Variants in KDM4C observed in about 807,000 individuals in gnomAD.
KDM4C encodes the protein lysine demethylase 4C.
Under a neutral mutation model 129.3 loss-of-function variants are expected in KDM4C, and 81 were observed. The observed-to-expected ratio is 0.63, with a 90% confidence interval of 0.52 to 0.75. The LOEUF (loss-of-function observed/expected upper bound fraction) is 0.75, where lower values mean the gene tolerates loss of function less well. Among genes scored for constraint, KDM4C ranks in the 30% least tolerant of loss-of-function variants. The pLI, the probability that KDM4C is intolerant of heterozygous loss-of-function variation, is 0.00. For synonymous variants in KDM4C, 573 were observed against 456.1 expected (o/e 1.26, Z -3.26); for missense variants, 1,457 against 1,304.0 (o/e 1.12, Z -1.81).
At chr9:7,102,214 C>G (rs746111871) in intron 17 of KDM4C, among the ~76,000 whole-genome samples, 1 of 151,436 alleles carries the variant, frequency 6.6e-6, no homozygotes, top group African/African-American at 2.4e-5. Flanking sequence ...ACATAAGTAC[C>G]TAATGTATAG....
intron 5 of KDM4C, 38 bp downstream of exon 5, chr9:6,849,738 T>C (rs772248277): frequency 1.4e-5 from 20 of 1,481,094 alleles, no homozygotes; most frequent in Non-Finnish European, 1.5e-5. Context: ...CTTTGGAGTT[T>C]TGAAATTTGG....
chr9:6,990,860 TTTC>T (rs1290951915), intron 12 of KDM4C, among the ~76,000 whole-genome samples: 1 of 152,116 alleles, frequency 6.6e-6, no homozygotes, highest in Non-Finnish European at 1.5e-5. Flanking sequence ...GTGCTGTAGG[TTTC>T]TTTACATTGT....
intron 8 of KDM4C, among the ~76,000 whole-genome samples, chr9:6,956,550 T>C (rs1028232784): frequency 6.6e-6 from 1 of 152,204 alleles, no homozygotes; most frequent in Non-Finnish European, 1.5e-5. Flanking sequence ...CCCCTGCCTG[T>C]ATTTGTAAAT....
At chr9:6,752,659 C>T (rs534102009), upstream of KDM4C, among the ~76,000 whole-genome samples, 1 of 151,992 alleles carries the variant, frequency 6.6e-6, no homozygotes, top group South Asian at 2.1e-4. Context: ...ATCCGTCCAC[C>T]TCGCCTTCCC....
intron 10 of KDM4C, among the ~76,000 whole-genome samples, chr9:6,986,044 GGA>G (rs1817638499): frequency 6.6e-6 from 1 of 151,776 alleles, no homozygotes; most frequent in South Asian, 2.1e-4. Flanking sequence ...ATGAATTGCT[GGA>G]TGGTTTTGCC....
intron 6 of KDM4C, 59 bp from the exon 7 acceptor site, chr9:6,887,901 C>T: frequency 2.0e-6 from 2 of 1,006,540 alleles, no homozygotes; most frequent in East Asian, 2.4e-5. Context: ...ATTAAAAAAC[C>T]TATTTGATAT....
chr9:7,060,081 C>A (rs1378901805), intron 17 of KDM4C, among the ~76,000 whole-genome samples: 1 of 152,074 alleles, frequency 6.6e-6, no homozygotes, highest in Non-Finnish European at 1.5e-5. Context: ...TCTCACATTC[C>A]TTGCAATGAT....
chr9:6,924,914 C>T (rs1822203537), intron 8 of KDM4C: 1 of 984,128 alleles, frequency 1.0e-6, no homozygotes, highest in African/African-American at 1.8e-5. Flanking sequence ...CAGAGTACAG[C>T]CTTTAGTTCT....
intron 15 of KDM4C, among the ~76,000 whole-genome samples, chr9:7,042,803 G>C (rs1054747103): frequency 7.2e-5 from 11 of 152,014 alleles, no homozygotes; most frequent in Admixed American, 5.2e-4. Context: ...GGATTAGGCA[G>C]ACATAAGTTT....
At chr9:6,768,317 G>A (rs1003049228) in intron 1 of KDM4C, among the ~76,000 whole-genome samples, 1 of 151,660 alleles carries the variant, frequency 6.6e-6, no homozygotes, top group Admixed American at 6.6e-5. Context: ...GGCCCCAGCT[G>A]ATGGGTAGTG....
chr9:6,752,398 T>C (rs1818103287), intron 1 of KDM4C, among the ~76,000 whole-genome samples: 1 of 135,820 alleles, frequency 7.4e-6, no homozygotes, highest in African/African-American at 2.8e-5. Context: ...ATTGGTAACG[T>C]TCTCAAAACC....
chr9:7,003,159 T>C (rs818888), intron 12 of KDM4C, among the ~76,000 whole-genome samples: 151,322 of 152,330 alleles, frequency 0.99, 75,169 homozygotes, highest in Middle Eastern at 1. Flanking sequence ...AGCCACTGTG[T>C]CCAGCCTACT....
chr9:6,761,711 G>A lies in KDM4C; in HGVS notation c.-18+3508G>A, dbSNP rs766149662. On this transcript the variant is annotated intron_variant, in intron 1 of 21. Coordinates refer to ENST00000381309, the MANE Select transcript of KDM4C (RefSeq NM_015061.6). The stretch of plus-strand genomic sequence containing the variant: ...TTGCTCTATATTTAGTGATAAGATA[G>A]GTACATTCTGTACTTTGATTAAGCT... Among the ~76,000 whole-genome samples, 59 of 152,154 alleles carry A rather than the reference G, an allele frequency of 3.9e-4. 1 individual carries two copies. The highest frequency in any genetic ancestry group is 1.3e-4 in the Non-Finnish European group (9 of 68,032).
chr9:6,842,206 T>C (rs973236374), intron 4 of KDM4C, among the ~76,000 whole-genome samples: 1 of 152,144 alleles, frequency 6.6e-6, no homozygotes, highest in Non-Finnish European at 1.5e-5. Context: ...CCAAAACTCC[T>C]CCTTCCTTTA....
chr9:6,805,642 A>G lies in KDM4C; in HGVS notation c.188A>G (p.Asp63Gly). The G allele has an allele frequency of 6.2e-7, 1 of 1,613,978 alleles. No individual in the cohort carries two copies. Residue 63 changes from aspartate (D) to glycine (G), a missense_variant, in exon 3 of 22, where the codon GAC (aspartate) becomes GGC (glycine). By Grantham distance (94) the Asp-to-Gly change is moderately conservative. Transcript: ENST00000381309. Reference sequence around the variant, plus strand: ...TGGAAGCCAAGACAGTGCTATGATGACATTGATAATTTGCTCATTCCAGCA... The same window carrying G: ...TGGAAGCCAAGACAGTGCTATGATGGCATTGATAATTTGCTCATTCCAGCA... ...KEWKPRQCYDDIDNLLIPAPI... is the reference protein window; with the variant it reads ...KEWKPRQCYDGIDNLLIPAPI...
At chr9:6,798,256 CTTT>C (rs71315565) in intron 2 of KDM4C, among the ~76,000 whole-genome samples, 5 of 142,048 alleles carry the variant, frequency 3.5e-5, no homozygotes, top group African/African-American at 5.2e-5. Context: ...TTCTTTCTTT[CTTT>C]TTTTTTTTTT....
intron 17 of KDM4C, among the ~76,000 whole-genome samples, chr9:7,078,228 G>C (rs1228377735): frequency 6.6e-6 from 1 of 152,110 alleles, no homozygotes; most frequent in African/African-American, 2.4e-5. Flanking sequence ...CAGCTTTTCT[G>C]TAGGAACTTT....
At chr9:6,994,286 C>A (rs748461051) in intron 12 of KDM4C, among the ~76,000 whole-genome samples, 5 of 152,040 alleles carry the variant, frequency 3.3e-5, no homozygotes, top group Non-Finnish European at 5.9e-5. Context: ...AGTTGGGGAC[C>A]CCTGATTTAG....
At chr9:6,886,479 ATTTTTTTTTTTCTTTTTTCCT>A (rs1466108161) in intron 6 of KDM4C, among the ~76,000 whole-genome samples, 1 of 138,372 alleles carries the variant, frequency 7.2e-6, no homozygotes, top group Non-Finnish European at 1.6e-5. Flanking sequence ...TGCCCGCCTA[ATTTTTTTTTTTCTTTTTTCCT>A]TTTTTTTTTT....
Sources: allele counts gnomAD v4.1 joint callset (sites outside exome capture counted in the v4.1 genomes callset), GRCh38; gene constraint gnomAD v4.1.1; transcripts MANE v1.5; gene names NCBI Gene and HGNC (gene_info 2026-07-23, HGNC 2026-07-21).